The following ZNF91 variants were observed in gnomAD, a reference collection of about 807,000 sequenced individuals.
ZNF91 encodes the protein zinc finger protein 91 (HPF7, HTF10).
Under a neutral mutation model 12.6 loss-of-function variants are expected in ZNF91, and 7 were observed. That is an observed-to-expected ratio of 0.55 (90% CI 0.31 to 1.04). The LOEUF is 1.04. Among genes scored for constraint, ZNF91 ranks in the 50% least tolerant of loss-of-function variants. ZNF91 has a pLI of 0.05. For synonymous variants in ZNF91, 453 were observed against 462.6 expected (o/e 0.98, Z 0.27); for missense variants, 1,217 against 1,385.4 (o/e 0.88, Z 1.93).
At chr19:23,379,115 T>G (rs1969608368) in intron 1 of ZNF91, among the ~76,000 whole-genome samples, 1 of 152,176 alleles carries the variant, frequency 6.6e-6, no homozygotes, top group African/African-American at 2.4e-5. Flanking sequence ...TAGGTGACTG[T>G]GAGAGCATTT....
chr19:23,333,808 GGA>G (rs1160371378), downstream of ZNF91, among the ~76,000 whole-genome samples: 2 of 152,078 alleles, frequency 1.3e-5, no homozygotes, highest in African/African-American at 4.8e-5. Flanking sequence ...CATGACATTG[GGA>G]GAGTTTCAGC....
chr19:23,340,353 A>C (rs1334806346), intron 3 of ZNF91, among the ~76,000 whole-genome samples: 1 of 152,222 alleles, frequency 6.6e-6, no homozygotes, highest in Non-Finnish European at 1.5e-5. Context: ...CAGACATTAC[A>C]ATGGATACAA....
chr19:23,305,904 CA>C (rs1269356432), intron 3 of ZNF91, among the ~76,000 whole-genome samples: 1 of 152,128 alleles, frequency 6.6e-6, no homozygotes. Context: ...TTTGTCTATA[CA>C]AAAAACATTC....
In ZNF91 at chr19:23,361,712, T is replaced by C; in HGVS notation, c.1267A>G (p.Ile423Val). The change falls in exon 4 of 4, where the codon ATA (isoleucine) becomes GTA (valine). Residue 423 changes from isoleucine to valine, a missense_variant. Physicochemically the swap from Ile to Val is conservative, Grantham distance 29. This residue lies in a region of ZNF91 where 726 missense variants were observed against 895.5 expected (regional missense o/e 0.81). Coordinates refer to ENST00000300619, the MANE Select transcript of ZNF91 (RefSeq NM_003430.4). ...KAFNRSSNLT[I>V]HKFIHTGEKP... ...TCTCCAGTATGAATAAACTTATGTA[T>C]AGTAAGATTTGAAGATCGATTAAAA... The C allele has an allele frequency of 1.4e-5, 22 of 1,610,712 alleles. No individual in the cohort carries two copies. The highest frequency in any genetic ancestry group is 1.8e-5 in the Non-Finnish European group (21 of 1,177,904).
upstream of ZNF91, among the ~76,000 whole-genome samples, chr19:23,312,069 C>T (rs77108717): frequency 1.4e-4 from 22 of 152,200 alleles, no homozygotes; most frequent in African/African-American, 5.3e-4. Context: ...GGGATTATAC[C>T]ATATCCCTGG....
At chr19:23,306,701 G>A (rs1967404194) in intron 3 of ZNF91, 1 of 152,250 alleles carries the variant, frequency 6.6e-6, no homozygotes, top group Non-Finnish European at 1.5e-5. Flanking sequence ...GAGAGGTGAT[G>A]TGACTCTCTT....
chr19:23,393,285 A>C (rs916197696), intron 1 of ZNF91, among the ~76,000 whole-genome samples: 1 of 152,174 alleles, frequency 6.6e-6, no homozygotes, highest in African/African-American at 2.4e-5. Context: ...CTTTAAAAAA[A>C]AGTGCACCAG....
chr19:23,328,985 G>C (rs1967883219), intron 1 of ZNF91: 1 of 152,126 alleles, frequency 6.6e-6, no homozygotes, highest in South Asian at 2.1e-4. Context: ...TTCTCCACTT[G>C]TAATGTGTTT....
rs1219366787 is a variant in ZNF91, at chr19:23,362,555, G to C, written c.424C>G (p.Leu142Val). ...TGGGCAGTTGTGAGACACTGGTTAAGTTTATTATAACCTTCTTTGTGCACC... is the reference window on the plus strand; with the variant it reads ...TGGGCAGTTGTGAGACACTGGTTAACTTTATTATAACCTTCTTTGTGCACC... ...CKVHKEGYNK[L>V]NQCLTTAQSK... Residue 142 changes from leucine to valine, a missense_variant, in exon 4 of 4, where the codon CTT (leucine) becomes GTT (valine). Leu to Val is a conservative substitution (Grantham distance 32). This residue lies in a region of ZNF91 where 726 missense variants were observed against 895.5 expected (regional missense o/e 0.81). Transcript: ENST00000300619. 6.2e-7 allele frequency: 1 copy of C among 1,600,840 alleles called. No individual in the cohort carries two copies. The highest frequency in any genetic ancestry group is 8.5e-7 in the Non-Finnish European group (1 of 1,175,226).
chr19:23,323,079 T>C, intron 1 of ZNF91, among the ~76,000 whole-genome samples: 1 of 148,118 alleles, frequency 6.8e-6, no homozygotes, highest in African/African-American at 2.5e-5. Flanking sequence ...CGTTTTTTTC[T>C]TTTCTTCCTC....
rs142818606 is a variant in ZNF91, at chr19:23,380,025, G to A, written c.31-5261C>T. 4.2e-3 allele frequency among the ~76,000 whole-genome samples: 643 copies of A among 152,108 alleles called. 5 individuals carry two copies. Among genetic ancestry groups the A allele is most frequent in the African/African-American group, 0.015 (626 of 41,488 alleles). ...TAATCCCAGCACTTTAGGAGGTTGA[G>A]GTGGGCAGATCATGAGGTCAAGAGT... On this transcript the variant is annotated intron_variant, in intron 1 of 3. Transcript: ENST00000300619.
chr19:23,322,261 C>T (rs529239904), intron 1 of ZNF91, among the ~76,000 whole-genome samples: 1 of 152,268 alleles, frequency 6.6e-6, no homozygotes, highest in South Asian at 2.1e-4. Flanking sequence ...CTGCTTTGGT[C>T]TTCCTCTCAG....
upstream of ZNF91, among the ~76,000 whole-genome samples, chr19:23,314,094 CT>C (rs1245014920): frequency 6.6e-6 from 1 of 152,148 alleles, no homozygotes; most frequent in African/African-American, 2.4e-5. Context: ...ATTCCTGCCC[CT>C]AGCACCTAGG....
chr19:23,369,611 T>C (rs1487211788), intron 3 of ZNF91, among the ~76,000 whole-genome samples: 1 of 152,194 alleles, frequency 6.6e-6, no homozygotes, highest in Non-Finnish European at 1.5e-5. Context: ...TGTTGCTGTG[T>C]CTGTGTAGAA....
chr19:23,334,217 A>G (rs1183829075), downstream of ZNF91, among the ~76,000 whole-genome samples: 2 of 152,224 alleles, frequency 1.3e-5, no homozygotes, highest in African/African-American at 2.4e-5. Flanking sequence ...GACAAGAAGT[A>G]GAGTGTGACA....
chr19:23,384,901 C>T, intron 1 of ZNF91: 1 of 768,728 alleles, frequency 1.3e-6, no homozygotes, highest in South Asian at 1.3e-5. Context: ...CTTATTGTCA[C>T]CGGTGAACTT....
chr19:23,352,988 T>C (rs763945641), downstream of ZNF91, among the ~76,000 whole-genome samples: 1 of 152,112 alleles, frequency 6.6e-6, no homozygotes, highest in Non-Finnish European at 1.5e-5. Context: ...AGAAACAAGA[T>C]AGACAGCAAC....
chr19:23,372,703 A>T (rs1969333928), intron 3 of ZNF91, among the ~76,000 whole-genome samples: 1 of 152,210 alleles, frequency 6.6e-6, no homozygotes, highest in African/African-American at 2.4e-5. Flanking sequence ...ACCCATTTAT[A>T]GCCATGCAGC....
chr19:23,337,872 A>T (rs894398091), downstream of ZNF91: 1 of 152,162 alleles, frequency 6.6e-6, no homozygotes, highest in Non-Finnish European at 1.5e-5. Flanking sequence ...AAATACATTC[A>T]AAGATTCAAT....
Sources: gnomAD v4.1 joint callset for allele counts (sites outside exome capture counted in the v4.1 genomes callset) on GRCh38, gnomAD v4.1.1 for gene constraint, gnomAD v4.1.1 regional missense constraint, MANE v1.5 for transcripts, NCBI Gene and HGNC (gene_info 2026-07-23, HGNC 2026-07-21) for gene names.